ZNF354B: variants seen among roughly 807,000 people sequenced by gnomAD.
ZNF354B encodes the protein zinc finger protein 354B.
Under a neutral mutation model 12.9 loss-of-function variants are expected in ZNF354B, and 10 were observed. That is an observed-to-expected ratio of 0.77 (90% CI 0.48 to 1.31). ZNF354B has a LOEUF of 1.31. ZNF354B is among the 40% of genes most tolerant of loss of function. The pLI is 0.00. For missense variants in ZNF354B, 614 were observed against 711.7 expected (o/e 0.86, Z 1.56); for synonymous variants, 260 against 243.7 (o/e 1.07, Z -0.62).
In ZNF354B at chr5:178,866,316, A is replaced by G; in HGVS notation, c.106A>G (p.Arg36Gly). The G allele has an allele frequency of 6.2e-7, 1 of 1,614,130 alleles. No homozygotes were observed. Among genetic ancestry groups the G allele is most frequent in the Non-Finnish European group, 8.5e-7 (1 of 1,180,008 alleles). ...DEWRKLAPSQ[R>G]NLYRDVMLEN... Reference sequence around the variant, plus strand: ...GTGGAGAAAGCTGGCTCCTTCTCAGAGAAACTTGTACCGGGATGTGATGCT... The same window carrying G: ...GTGGAGAAAGCTGGCTCCTTCTCAGGGAAACTTGTACCGGGATGTGATGCT... The change falls in exon 3 of 5, where the codon AGA (arginine) becomes GGA (glycine). Residue 36 changes from arginine (R) to glycine (G), a missense_variant. Transcript: ENST00000322434.
intron 4 of ZNF354B, among the ~76,000 whole-genome samples, chr5:178,867,812 G>C (rs982053212): frequency 1.3e-5 from 2 of 152,220 alleles, no homozygotes; most frequent in Non-Finnish European, 2.9e-5. Flanking sequence ...CTTGGAATGG[G>C]ATTGAGAATG....
At chr5:178,878,597 C>A (rs1463837097) in intron 4 of ZNF354B, among the ~76,000 whole-genome samples, 3 of 152,116 alleles carry the variant, frequency 2.0e-5, no homozygotes, top group Non-Finnish European at 2.9e-5. Context: ...TGTTCTAAAG[C>A]CTTTTAAAAT....
intron 2 of ZNF354B, among the ~76,000 whole-genome samples, chr5:178,864,172 C>T (rs58679434): frequency 0.1 from 15,461 of 152,226 alleles, 834 homozygotes; most frequent in Non-Finnish European, 0.12. Context: ...CTCAGCCAGG[C>T]GACTTCCAGT....
intron 4 of ZNF354B, among the ~76,000 whole-genome samples, chr5:178,875,984 G>A (rs1757631636): frequency 1.3e-5 from 2 of 152,162 alleles, no homozygotes; most frequent in African/African-American, 4.8e-5. Context: ...TGAAGAGTTG[G>A]CTATGGGAGC....
chr5:178,883,990 A>G lies in ZNF354B; in HGVS notation c.1538A>G (p.Gln513Arg), dbSNP rs1757761171. Residue 513 changes from glutamine to arginine, a missense_variant, in exon 5 of 5, where the codon CAG (glutamine) becomes CGG (arginine). Transcript: ENST00000322434. Reference protein sequence around the residue: ...FRCNSSLSNHQRIHTGEKPYR... With the variant: ...FRCNSSLSNHRRIHTGEKPYR... ...TGTAACTCATCGCTTAGTAATCACCAGAGAATTCATACTGGAGAGAAACCA... is the reference window on the plus strand; with the variant it reads ...TGTAACTCATCGCTTAGTAATCACCGGAGAATTCATACTGGAGAGAAACCA... 1 of 1,614,154 alleles carries G rather than the reference A, an allele frequency of 6.2e-7. No homozygotes were observed. The highest frequency in any genetic ancestry group is 1.7e-5 in the Admixed American group (1 of 60,026).
chr5:178,870,319 A>G (rs997012923), intron 4 of ZNF354B, among the ~76,000 whole-genome samples: 3 of 152,202 alleles, frequency 2.0e-5, no homozygotes, highest in African/African-American at 7.2e-5. Flanking sequence ...TCTGTTGCCC[A>G]GGCTGGAGTG....
intron 4 of ZNF354B, among the ~76,000 whole-genome samples, chr5:178,868,865 G>A (rs570415272): frequency 2.0e-5 from 3 of 152,032 alleles, no homozygotes; most frequent in East Asian, 1.9e-4. Flanking sequence ...CCAGCTACTC[G>A]GGAGACTGAG....
At position 178,883,537 on chromosome 5, in the gene ZNF354B, C is replaced by G. The variant is rs1349051508; in HGVS notation, c.1085C>G (p.Thr362Ser). ...TACTTATGTAATGAATGTGGCAACA[C>G]CTTTAAGTCTAGCTCATCCCTTCGT... ...KSYLCNECGN[T>S]FKSSSSLRYH... Residue 362 changes from threonine to serine, a missense_variant, in exon 5 of 5, where the codon ACC becomes AGC. Coordinates refer to ENST00000322434, the MANE Select transcript of ZNF354B (RefSeq NM_058230.3). The G allele has an allele frequency of 3.7e-6, 6 of 1,614,094 alleles. No homozygotes were observed.
intron 4 of ZNF354B, among the ~76,000 whole-genome samples, chr5:178,879,414 C>T (rs886547472): frequency 2.6e-5 from 4 of 151,562 alleles, no homozygotes; most frequent in Non-Finnish European, 5.9e-5. Context: ...GAGTCTTGCT[C>T]AGCTGCCCAG....
chr5:178,870,128 A>G (rs539479296), intron 4 of ZNF354B, among the ~76,000 whole-genome samples: 1 of 152,280 alleles, frequency 6.6e-6, no homozygotes, highest in African/African-American at 2.4e-5. Flanking sequence ...CCTCGGTAAC[A>G]TAGACCCTGT....
intron 2 of ZNF354B, among the ~76,000 whole-genome samples, chr5:178,861,318 CAAGT>C (rs1183276101): frequency 2.0e-5 from 3 of 147,016 alleles, no homozygotes; most frequent in Non-Finnish European, 3.0e-5. Flanking sequence ...ACTAGTTTGA[CAAGT>C]AAGATACCAC....
Position 178,866,246 on chromosome 5 carries a change from G to A in ZNF354B, c.36G>A (p.Val12=), listed in dbSNP as rs370631071. The A allele has an allele frequency of 1.2e-6, 2 of 1,613,982 alleles. No homozygotes were observed. Among genetic ancestry groups the A allele is most frequent in the Non-Finnish European group, 1.7e-6 (2 of 1,179,980 alleles). The change falls in exon 3 of 5, where the codon GTG becomes GTA. Residue 12 remains valine, a splice_region_variant and synonymous_variant. Coordinates refer to ENST00000322434, the MANE Select transcript of ZNF354B (RefSeq NM_058230.3). ...GCTGGAACGACTTGTCCTTACAGGT[G>A]TCACTGACATTCGAGGACGTGGCTG... ...AAGQREARPQ[V]SLTFEDVAVL...
chr5:178,882,955 A>C lies in ZNF354B; in HGVS notation c.503A>C (p.Tyr168Ser). Residue 168 changes from tyrosine to serine, a missense_variant, in exon 5 of 5, where the codon TAC (tyrosine) becomes TCC (serine). Transcript: ENST00000322434. ...HKNVEFGQNF[Y>S]LKSVFIKQQR... is the part of the protein sequence containing the mutation. ...AATGTTGAATTTGGCCAAAACTTCT[A>C]CCTGAAATCAGTCTTCATTAAGCAA... 6.2e-7 allele frequency: 1 copy of C among 1,604,510 alleles called. No homozygotes were observed. The highest frequency in any genetic ancestry group is 1.1e-5 in the South Asian group (1 of 87,762).
At position 178,883,445 on chromosome 5, in the gene ZNF354B, C is replaced by T. The variant is rs4130052; in HGVS notation, c.993C>T (p.Gly331=). 0.57 allele frequency: 922,332 copies of T among 1,613,720 alleles called. 270,362 individuals carry two copies. The highest frequency in any genetic ancestry group is 0.61 in the Non-Finnish European group (716,319 of 1,179,864). ...AAAATCCCCATAAATACAATCCAGG[C>T]AGGAAGGCATCCAGTTACAGCACTT... ...AQENPHKYNP[G]RKASSYSTSL... The change falls in exon 5 of 5, where the codon GGC becomes GGT. Residue 331 remains glycine (G), a synonymous_variant. Coordinates refer to ENST00000322434, the MANE Select transcript of ZNF354B (RefSeq NM_058230.3).
chr5:178,867,052 T>G lies in ZNF354B; in HGVS notation c.237T>G (p.Ser79Arg), dbSNP rs1331615753. ...GEDPWEVEKD[S>R]SGVSSLGCKS... ...ATCCCTGGGAGGTGGAGAAAGACAG[T>G]TCTGGTGTCTCCTCTCTAGGTAAGT... Residue 79 changes from serine (S) to arginine (R), a missense_variant, in exon 4 of 5, where the codon AGT (serine) becomes AGG (arginine). Ser to Arg is a moderately radical substitution (Grantham distance 110). Transcript: ENST00000322434. The G allele has an allele frequency of 6.2e-7, 1 of 1,613,414 alleles. No individual in the cohort carries two copies. Among genetic ancestry groups the G allele is most frequent in the Non-Finnish European group, 8.5e-7 (1 of 1,179,904 alleles).
intron 4 of ZNF354B, 41 bp from the exon 5 acceptor site, chr5:178,882,668 C>G (rs763921426): frequency 1.3e-6 from 2 of 1,508,912 alleles, no homozygotes; most frequent in South Asian, 2.8e-5. Flanking sequence ...CAGCCAATCA[C>G]ATGAATCATG....
At chr5:178,861,287 C>G (rs1245463637) in intron 2 of ZNF354B, among the ~76,000 whole-genome samples, 1 of 143,280 alleles carries the variant, frequency 7.0e-6, no homozygotes, top group Middle Eastern at 3.5e-3. Flanking sequence ...AGTTTGTTCA[C>G]GAATCTTCAT....
At chr5:178,877,955 T>C (rs1489191732) in intron 4 of ZNF354B, among the ~76,000 whole-genome samples, 2 of 152,234 alleles carry the variant, frequency 1.3e-5, no homozygotes, top group African/African-American at 2.4e-5. Context: ...CTTTTTCTTT[T>C]ACCTTACATT....
At chr5:178,881,586 G>T (rs1016103429) in intron 4 of ZNF354B, among the ~76,000 whole-genome samples, 2 of 152,150 alleles carry the variant, frequency 1.3e-5, no homozygotes, top group African/African-American at 4.8e-5. Context: ...GTGATTCTTA[G>T]TATAAATGAA....
Sources: allele counts gnomAD v4.1 joint callset (sites outside exome capture counted in the v4.1 genomes callset), GRCh38; gene constraint gnomAD v4.1.1; transcripts MANE v1.5; gene names NCBI Gene and HGNC (gene_info 2026-07-23, HGNC 2026-07-21).